AFAP1L2: variants seen among roughly 807,000 people sequenced by gnomAD.
AFAP1L2 encodes actin filament associated protein 1 like 2, also known as actin filament-associated protein 1-like 2.
AFAP1L2 carries 46 observed loss-of-function variants against 99.3 expected under a neutral mutation model. The observed-to-expected ratio is 0.46, with a 90% CI of 0.37 to 0.59. The LOEUF is 0.59. AFAP1L2 is among the 20% of genes least tolerant of loss of function. AFAP1L2 has a pLI of 0.00. For synonymous variants in AFAP1L2, 397 were observed against 419.1 expected (o/e 0.95, Z 0.64); for missense variants, 959 against 1,034.9 (o/e 0.93, Z 1.01).
intron 1 of AFAP1L2, among the ~76,000 whole-genome samples, chr10:114,384,130 T>C (rs1044937615): frequency 6.0e-4 from 91 of 152,228 alleles, no homozygotes; most frequent in African/African-American, 2.1e-3. Context: ...TTTACATATA[T>C]GTCAAGAGGA....
At chr10:114,404,753 G>A (rs1260982521), upstream of AFAP1L2, 1 of 321,224 alleles carries the variant, frequency 3.1e-6, no homozygotes, top group East Asian at 5.2e-5. Context: ...GGCCGCCTTG[G>A]CACTCCCTTC....
intron 1 of AFAP1L2, among the ~76,000 whole-genome samples, chr10:114,385,927 C>T (rs184845505): frequency 5.6e-4 from 85 of 152,178 alleles, no homozygotes; most frequent in Non-Finnish European, 9.9e-4. Context: ...CAGGTTCTCA[C>T]CACCCCCCGC....
chr10:114,286,053 G>A, the AFAP1L2 span: 27 of 1,614,170 alleles, frequency 1.7e-5, no homozygotes, highest in East Asian at 6.7e-5. Context: ...CGGTTTGTGC[G>A]GGCCGTGCTG....
chr10:114,328,170 C>A (rs777881854), intron 4 of AFAP1L2, among the ~76,000 whole-genome samples: 17 of 152,172 alleles, frequency 1.1e-4, no homozygotes, highest in Non-Finnish European at 2.1e-4. Flanking sequence ...TCCACACCCA[C>A]GAGGTTGCTC....
chr10:114,282,662 G>A, the AFAP1L2 span: 69 of 1,179,196 alleles, frequency 5.9e-5, no homozygotes, highest in African/African-American at 8.6e-4. Flanking sequence ...GGGACAGAGG[G>A]TGGGGTTGTG....
Position 114,397,631 on chromosome 10 carries a change from C to T in AFAP1L2, c.16+6809G>A, listed in dbSNP as rs530809352. On this transcript the variant is annotated intron_variant, in intron 1 of 18. Transcript: ENST00000304129. ...GGACACCAGACTTTCAGTGGTAAAACCAGGAAAGTCCCAAGCAAGCCCGGA... is the reference window on the plus strand; with the variant it reads ...GGACACCAGACTTTCAGTGGTAAAATCAGGAAAGTCCCAAGCAAGCCCGGA... Among the ~76,000 whole-genome samples the T allele has an allele frequency of 9.2e-5, 14 of 152,276 alleles. No homozygotes were observed. The East Asian group carries it at 2.7e-3, about 29-fold the overall frequency.
chr10:114,289,429 G>A, the AFAP1L2 span: 6 of 1,614,092 alleles, frequency 3.7e-6, no homozygotes, highest in South Asian at 2.2e-5. Context: ...CCTGATCCAC[G>A]TGGCAGCTTA....
At chr10:114,289,770 A>C in the AFAP1L2 span, 1 of 481,106 alleles carries the variant, frequency 2.1e-6, no homozygotes, top group East Asian at 4.0e-5. Flanking sequence ...CTTTTAGAAT[A>C]TCCACAAGCT....
At chr10:114,399,008 C>A in intron 1 of AFAP1L2, 2 of 989,804 alleles carry the variant, frequency 2.0e-6, no homozygotes, top group Non-Finnish European at 2.8e-6. Context: ...TGCTTCATTT[C>A]TTTTTGTGAA....
rs565238981 is a variant in AFAP1L2, at chr10:114,396,341, C to A, written c.16+8099G>T. On this transcript the variant is annotated intron_variant, in intron 1 of 18. Coordinates refer to ENST00000304129, the MANE Select transcript of AFAP1L2 (RefSeq NM_001001936.3). ...TAAATAAAAAGGAAAACACCAAGAT[C>A]TTAAGAGTCCATTCAGATCACCCAG... 9.2e-5 allele frequency among the ~76,000 whole-genome samples: 14 copies of A among 152,344 alleles called. No homozygotes were observed. In the East Asian group the frequency reaches 2.7e-3, roughly 29 times the overall value.
At chr10:114,331,712 CCAGA>C (rs1564893822) in intron 4 of AFAP1L2, 87 bp downstream of exon 4, 5 of 938,076 alleles carry the variant, frequency 5.3e-6, no homozygotes, top group East Asian at 6.6e-5. Flanking sequence ...TCAGAAAATG[CCAGA>C]CACTTAGTGA....
In AFAP1L2 at chr10:114,325,037, C is replaced by A. The variant is rs2046036589; in HGVS notation, c.316-1776G>T. Among the ~76,000 whole-genome samples, 3 of 152,126 alleles carry A rather than the reference C, an allele frequency of 2.0e-5. No homozygotes were observed. The South Asian group carries it at 6.2e-4, about 32-fold the overall frequency. On this transcript the variant is annotated intron_variant, in intron 4 of 18. Coordinates refer to ENST00000304129, the MANE Select transcript of AFAP1L2 (RefSeq NM_001001936.3). ...GTGAGGATACCAGGGTCCCCAGAGC[C>A]CAGTCCTGTGTGGTTTGGACTCTAC...
chr10:114,395,556 C>T (rs1565093698), intron 1 of AFAP1L2, among the ~76,000 whole-genome samples: 1 of 152,056 alleles, frequency 6.6e-6, no homozygotes, highest in Admixed American at 6.5e-5. Flanking sequence ...TTTTTCTCCC[C>T]CCATCTGGGG....
At chr10:114,286,203 T>G in the AFAP1L2 span, 119 of 1,613,856 alleles carry the variant, frequency 7.4e-5, no homozygotes, top group Non-Finnish European at 9.9e-5. Flanking sequence ...GGCCCCACCC[T>G]GACGGGCAGT....
chr10:114,303,734 C>A (rs2041638014), intron 11 of AFAP1L2, among the ~76,000 whole-genome samples: 2 of 152,190 alleles, frequency 1.3e-5, no homozygotes, highest in Admixed American at 6.5e-5. Context: ...CCGATCCACT[C>A]CCACCCCAGT....
chr10:114,290,487 T>C, downstream of AFAP1L2: 1 of 1,383,120 alleles, frequency 7.2e-7, no homozygotes, highest in Non-Finnish European at 9.8e-7. Flanking sequence ...AATTATTCAG[T>C]CGTTTACCCA....
At chr10:114,366,119 T>C (rs1338586616) in intron 1 of AFAP1L2, among the ~76,000 whole-genome samples, 7 of 152,190 alleles carry the variant, frequency 4.6e-5, no homozygotes, top group Non-Finnish European at 1.0e-4. Flanking sequence ...AGTAAGTGTG[T>C]TCCTAAGATA....
In AFAP1L2 at chr10:114,300,437, G is replaced by GT; in HGVS notation, c.1788+7_1788+8insA. On this transcript the variant is annotated splice_region_variant and intron_variant, in intron 14 of 18. Coordinates refer to ENST00000304129, the MANE Select transcript of AFAP1L2 (RefSeq NM_001001936.3). ...GTGGTCTTGCTGTCCTGCAGGGGAG[G>GT]CCTGTACCTGTTCTCCCAGGTTCTC... 6.2e-7 allele frequency: 1 copy of GT among 1,613,044 alleles called. No individual in the cohort carries two copies. The highest frequency in any genetic ancestry group is 1.1e-5 in the South Asian group (1 of 91,028).
At chr10:114,289,323 C>A in the AFAP1L2 span, 1 of 1,614,180 alleles carries the variant, frequency 6.2e-7, no homozygotes, top group Non-Finnish European at 8.5e-7. Flanking sequence ...CCGTTCCTGC[C>A]CAGAAGCTGA....
Sources: gnomAD v4.1 joint callset for allele counts (sites outside exome capture counted in the v4.1 genomes callset) on GRCh38, gnomAD v4.1.1 for gene constraint, MANE v1.5 for transcripts, NCBI Gene and HGNC (gene_info 2026-07-23, HGNC 2026-07-21) for gene names.